The following COL19A1 variants were observed in gnomAD, a reference collection of about 807,000 sequenced individuals.
COL19A1 encodes collagen type XIX alpha 1 chain.
A neutral mutation model predicts 190.2 loss-of-function variants in COL19A1; 159 were observed. The observed-to-expected ratio is 0.84, with a 90% confidence interval of 0.73 to 0.95. The LOEUF is 0.95. COL19A1 is among the 40% of genes least tolerant of loss of function. COL19A1 has a pLI of 0.00. For missense variants in COL19A1, 1,418 were observed against 1,431.9 expected, an observed-to-expected ratio of 0.99 and a Z score of 0.16; for synonymous variants, 509 against 458.9, an observed-to-expected ratio of 1.11 and a Z score of -1.39.
Position 69,962,827 on chromosome 6 carries a change from G to C in COL19A1, c.983G>C (p.Gly328Ala), listed in dbSNP as rs552171890. Residue 328 changes from glycine (G) to alanine (A), a missense_variant and splice_region_variant, in exon 11 of 51, where the codon GGA becomes GCA. Transcript: ENST00000620364. ...HGAPGFPGQKGEQGFEGSKGE... is the reference protein window; with the variant it reads ...HGAPGFPGQKAEQGFEGSKGE... ...ACACATCATATTCCTCTTCTACAGG[G>C]AGAGCAAGGTTTTGAAGGCAGCAAA... is the stretch of plus-strand genomic sequence containing the variant. 3.7e-6 allele frequency: 6 copies of C among 1,605,422 alleles called. No individual in the cohort carries two copies. The East Asian group carries it at 1.3e-4, about 36-fold the overall frequency.
intron 14 of COL19A1, among the ~76,000 whole-genome samples, chr6:70,048,012 A>G (rs547976127): frequency 5.4e-4 from 82 of 152,170 alleles, no homozygotes; most frequent in Admixed American, 1.0e-3. Context: ...ATACTCATCC[A>G]GATGGCACCA....
chr6:70,105,096 A>AT (rs1350681614), intron 16 of COL19A1, among the ~76,000 whole-genome samples: 2 of 152,160 alleles, frequency 1.3e-5, no homozygotes, highest in South Asian at 2.1e-4. Context: ...TGTTCATTAA[A>AT]TCCTGGGAAC....
intron 14 of COL19A1, among the ~76,000 whole-genome samples, chr6:70,051,592 T>G (rs1380314830): frequency 6.6e-6 from 1 of 152,114 alleles, no homozygotes; most frequent in Admixed American, 6.6e-5. Flanking sequence ...TCTTTAACAT[T>G]CTAAACAGTA....
At chr6:69,995,206 A>G (rs558464791) in intron 11 of COL19A1, among the ~76,000 whole-genome samples, 1 of 152,326 alleles carries the variant, frequency 6.6e-6, no homozygotes, top group African/African-American at 2.4e-5. Flanking sequence ...CTATGGATGC[A>G]TTAGTTTACT....
chr6:70,174,378 G>A (rs1765675347), intron 41 of COL19A1, among the ~76,000 whole-genome samples: 1 of 152,138 alleles, frequency 6.6e-6, no homozygotes, highest in Non-Finnish European at 1.5e-5. Context: ...GACCAGCCTG[G>A]CCAACGTGGT....
chr6:70,032,434 C>T (rs577609742), intron 12 of COL19A1, among the ~76,000 whole-genome samples: 77 of 151,934 alleles, frequency 5.1e-4, no homozygotes, highest in Non-Finnish European at 7.2e-4. Flanking sequence ...TCTCTAAAGT[C>T]GTACTAATCA....
intron 16 of COL19A1, among the ~76,000 whole-genome samples, chr6:70,120,195 T>C (rs746090444): frequency 1.3e-5 from 2 of 152,216 alleles, no homozygotes; most frequent in African/African-American, 2.4e-5. Flanking sequence ...AGAGTTCTAA[T>C]AATTAAGACC....
intron 10 of COL19A1, 44 bp downstream of exon 10, chr6:69,960,084 G>T (rs1016197): frequency 9.7e-6 from 15 of 1,548,788 alleles, no homozygotes; most frequent in African/African-American, 5.5e-5. Flanking sequence ...GAATTTTAAC[G>T]TGTTAAAAAT....
chr6:70,189,641 T>C (rs1266916584), intron 47 of COL19A1, among the ~76,000 whole-genome samples: 1 of 152,222 alleles, frequency 6.6e-6, no homozygotes, highest in Non-Finnish European at 1.5e-5. Flanking sequence ...AAATGTTAAA[T>C]TCTTTGTCAA....
intron 14 of COL19A1, among the ~76,000 whole-genome samples, chr6:70,054,082 G>A (rs1780361426): frequency 6.6e-6 from 1 of 152,190 alleles, no homozygotes. Flanking sequence ...CAGGTGCAGT[G>A]GCTCACGCCT....
At chr6:69,973,282 G>T (rs985734458) in intron 11 of COL19A1, among the ~76,000 whole-genome samples, 4 of 151,978 alleles carry the variant, frequency 2.6e-5, no homozygotes, top group African/African-American at 7.3e-5. Flanking sequence ...CCTTTCTCAG[G>T]ATCTGCCTGT....
chr6:69,957,382 C>T (rs576829696), intron 9 of COL19A1, among the ~76,000 whole-genome samples: 188 of 152,082 alleles, frequency 1.2e-3, no homozygotes, highest in Non-Finnish European at 2.4e-3. Flanking sequence ...TTTTGATTGT[C>T]CTGTGAAGTT....
chr6:70,098,213 A>G (rs1783403529), intron 15 of COL19A1, among the ~76,000 whole-genome samples: 1 of 152,176 alleles, frequency 6.6e-6, no homozygotes, highest in Non-Finnish European at 1.5e-5. Context: ...GGGGAATCTG[A>G]TTTTAGTCCT....
chr6:69,941,244 C>T (rs1321185071), intron 9 of COL19A1, among the ~76,000 whole-genome samples: 1 of 152,134 alleles, frequency 6.6e-6, no homozygotes, highest in Admixed American at 6.6e-5. Flanking sequence ...CTCTTACTTG[C>T]TTTGAAAATT....
At chr6:70,187,063 A>G (rs1337073719) in intron 46 of COL19A1, among the ~76,000 whole-genome samples, 1 of 152,070 alleles carries the variant, frequency 6.6e-6, no homozygotes, top group Non-Finnish European at 1.5e-5. Context: ...TATTTTTAGT[A>G]GAGACAGGGT....
At position 70,211,261 on chromosome 6, in the gene COL19A1, A is replaced by G. The variant is rs1317432882; in HGVS notation, c.*3987A>G. 2.0e-5 allele frequency among the ~76,000 whole-genome samples: 3 copies of G among 152,072 alleles called. No homozygotes were observed. The highest frequency in any genetic ancestry group is 7.2e-5 in the African/African-American group (3 of 41,422). On this transcript the variant is annotated 3_prime_UTR_variant, in exon 51 of 51. Transcript: ENST00000620364. ...TACCGTTTTTATTTTCATAACACTA[A>G]TAATACACTGGGATTGAGAATTTCT...
At chr6:69,974,806 C>CTTTTTTTT (rs35518948) in intron 11 of COL19A1, among the ~76,000 whole-genome samples, 6 of 93,066 alleles carry the variant, frequency 6.4e-5, no homozygotes, top group African/African-American at 9.4e-5. Context: ...AGACAGCTTC[C>CTTTTTTTT]TTTTTTTTTT....
intron 11 of COL19A1, among the ~76,000 whole-genome samples, chr6:69,987,849 T>C (rs1258603953): frequency 1.6e-4 from 25 of 152,194 alleles, no homozygotes; most frequent in Admixed American, 1.6e-3. Context: ...GAAAATTTAC[T>C]CAAGTAGTGG....
At chr6:70,198,024 C>T (rs1400984328) in intron 48 of COL19A1, among the ~76,000 whole-genome samples, 7 of 152,100 alleles carry the variant, frequency 4.6e-5, no homozygotes, top group Non-Finnish European at 8.8e-5. Context: ...AACAGATTTT[C>T]CTCAGAAGTA....
Sources: allele counts gnomAD v4.1 joint callset (sites outside exome capture counted in the v4.1 genomes callset), GRCh38; gene constraint gnomAD v4.1.1; transcripts MANE v1.5; gene names NCBI Gene and HGNC (gene_info 2026-07-23, HGNC 2026-07-21).